Variants in NDEL1 observed in about 807,000 individuals in gnomAD.
NDEL1 encodes nudE neurodevelopment protein 1 like 1.
Under a neutral mutation model 45.7 loss-of-function variants are expected in NDEL1, and 9 were observed. The observed-to-expected ratio is 0.20, with a 90% CI of 0.12 to 0.34. The LOEUF (loss-of-function observed/expected upper bound fraction) is 0.34, where lower values mean the gene tolerates loss of function less well. Among genes scored for constraint, NDEL1 ranks in the 10% least tolerant of loss-of-function variants. The pLI, the probability that NDEL1 is intolerant of heterozygous loss-of-function variation, is 1.00. For synonymous variants in NDEL1, 133 were observed against 158.6 expected (o/e 0.84, Z 1.21); for missense variants, 306 against 406.2 (o/e 0.75, Z 2.12).
At chr17:8,423,315 G>A (rs904684293) in intron 1 of NDEL1, among the ~76,000 whole-genome samples, 1 of 152,096 alleles carries the variant, frequency 6.6e-6, no homozygotes, top group African/African-American at 2.4e-5. Flanking sequence ...CAGTTAGTAG[G>A]TGTTTAGAAG....
downstream of NDEL1, among the ~76,000 whole-genome samples, chr17:8,472,392 A>C (rs1182678178): frequency 6.6e-6 from 1 of 152,160 alleles, no homozygotes; most frequent in Non-Finnish European, 1.5e-5. Flanking sequence ...GGTGGCTCAC[A>C]CCTGTAATCC....
intron 1 of NDEL1, among the ~76,000 whole-genome samples, chr17:8,422,965 G>A (rs922512302): frequency 2.6e-5 from 4 of 151,926 alleles, no homozygotes; most frequent in Non-Finnish European, 5.9e-5. Flanking sequence ...TCCTGACCTC[G>A]TGATCCACCC....
chr17:8,459,303 C>T (rs540544198), intron 7 of NDEL1, among the ~76,000 whole-genome samples: 73 of 152,148 alleles, frequency 4.8e-4, no homozygotes, highest in African/African-American at 1.7e-3. Flanking sequence ...ACATGAGAAA[C>T]GCCTGATCTC....
intron 8 of NDEL1, chr17:8,463,286 T>C: frequency 6.4e-7 from 1 of 1,568,444 alleles, no homozygotes; most frequent in Non-Finnish European, 8.8e-7. Flanking sequence ...AGTATTCGTA[T>C]TACTGTTTAA....
chr17:8,413,597 G>T (rs1252137710), intron 1 of NDEL1, among the ~76,000 whole-genome samples: 3 of 152,156 alleles, frequency 2.0e-5, no homozygotes, highest in Non-Finnish European at 4.4e-5. Flanking sequence ...GAGTTCATAG[G>T]GTTCTGACAG....
At chr17:8,449,449 A>G (rs966857232) in intron 5 of NDEL1, among the ~76,000 whole-genome samples, 3 of 152,328 alleles carry the variant, frequency 2.0e-5, no homozygotes, top group African/African-American at 7.2e-5. Context: ...TTTAAAGTGT[A>G]CAGTCCAGTA....
chr17:8,418,951 T>C (rs1908638722), intron 1 of NDEL1, among the ~76,000 whole-genome samples: 1 of 151,876 alleles, frequency 6.6e-6, no homozygotes, highest in African/African-American at 2.4e-5. Context: ...TGGGCTCAAG[T>C]GATCCTCCCA....
intron 8 of NDEL1, chr17:8,463,148 C>T: frequency 1.9e-6 from 1 of 524,314 alleles, no homozygotes; most frequent in Admixed American, 3.9e-5. Flanking sequence ...CTCAAAAACA[C>T]TCTTTTTTTT....
At chr17:8,454,032 A>G (rs368949614) in intron 6 of NDEL1, among the ~76,000 whole-genome samples, 1 of 152,208 alleles carries the variant, frequency 6.6e-6, no homozygotes, top group South Asian at 2.1e-4. Flanking sequence ...AAATTTAGAT[A>G]TGTATCTTAT....
chr17:8,448,818 C>A, intron 5 of NDEL1, 132 bp downstream of exon 5: 1 of 938,836 alleles, frequency 1.1e-6, no homozygotes, highest in Non-Finnish European at 1.5e-6. Context: ...GCATTCAAAA[C>A]CCTGTATATG....
intron 1 of NDEL1, among the ~76,000 whole-genome samples, chr17:8,428,895 G>C (rs376362214): frequency 4.3e-4 from 66 of 151,742 alleles, no homozygotes; most frequent in South Asian, 4.0e-3. Flanking sequence ...AGATGGTCTC[G>C]ATCTCCTGAC....
chr17:8,457,709 C>A (rs994314511), intron 7 of NDEL1, among the ~76,000 whole-genome samples: 7 of 152,188 alleles, frequency 4.6e-5, no homozygotes, highest in African/African-American at 1.7e-4. Flanking sequence ...CTATTTGTAG[C>A]CATTCCTCCT....
rs530529939 is a variant in NDEL1 at position 8,423,185 on chromosome 17, C to T, written c.-13+9916C>T. Among the ~76,000 whole-genome samples, 39 of 152,180 alleles carry T rather than the reference C, an allele frequency of 2.6e-4. No homozygotes were observed. The South Asian group carries it at 5.4e-3, about 21-fold the overall frequency. On this transcript the variant is annotated intron_variant, in intron 1 of 4. Coordinates refer to the NDEL1 transcript ENST00000582812. ...TTGGGGTATTATTTTGTTCTTATTT[C>T]GAAAATGGTCACCAGACAAGTGACC... is the stretch of plus-strand genomic sequence containing the variant.
chr17:8,435,777 C>T, upstream of NDEL1: 1 of 368,580 alleles, frequency 2.7e-6, no homozygotes, highest in Non-Finnish European at 5.4e-6. Context: ...CTGGCCCGCC[C>T]CCTGTGACAC....
chr17:8,445,986 G>A (rs1910056510), intron 3 of NDEL1, 122 bp downstream of exon 3: 2 of 977,914 alleles, frequency 2.0e-6, no homozygotes, highest in Non-Finnish European at 1.4e-6. Context: ...CGCTTAAAGT[G>A]AATTTTTGAA....
rs1159548412 is a variant in NDEL1, at chr17:8,444,521, G to A, written c.86+164G>A. The A allele has an allele frequency of 5.3e-6, 3 of 568,792 alleles. No individual in the cohort carries two copies. In the African/African-American group the frequency reaches 5.7e-5, roughly 11 times the overall value. 35.2% of individuals were successfully genotyped at this position (568,792 alleles called of 1,614,324 possible). ...TCACCACATGGGTTGTATTTAAATAGTGTAAACATGCCATAAGTCTTTATA... is the reference window on the plus strand; with the variant it reads ...TCACCACATGGGTTGTATTTAAATAATGTAAACATGCCATAAGTCTTTATA... On this transcript the variant is annotated intron_variant, in intron 2 of 8. Coordinates refer to ENST00000334527, the MANE Select transcript of NDEL1 (RefSeq NM_030808.5).
At chr17:8,441,701 T>C (rs1909745807) in intron 1 of NDEL1, among the ~76,000 whole-genome samples, 1 of 152,170 alleles carries the variant, frequency 6.6e-6, no homozygotes, top group South Asian at 2.1e-4. Flanking sequence ...TGCTATCTGT[T>C]CTATGGGATT....
At chr17:8,435,740 G>T (rs866010670), upstream of NDEL1, 3 of 337,590 alleles carry the variant, frequency 8.9e-6, no homozygotes, top group African/African-American at 4.6e-5. Flanking sequence ...AGAGGACGCC[G>T]TCAGCTTGGC....
rs774166455 is a variant in NDEL1, at chr17:8,446,855, T to C, written c.342T>C (p.Tyr114=). ...TRAIKEQLHK[Y]VRELEQANDD... is the part of the protein sequence containing the mutation. ...CCATTAAGGAGCAGTTGCATAAGTA[T>C]GTGAGAGAGCTGGAGCAGGCCAACG... is the stretch of plus-strand genomic sequence containing the variant. The change falls in exon 4 of 9, where the codon TAT becomes TAC. Residue 114 remains tyrosine (Y), a synonymous_variant. Coordinates refer to ENST00000334527, the MANE Select transcript of NDEL1 (RefSeq NM_030808.5). The C allele has an allele frequency of 8.7e-6, 14 of 1,614,056 alleles. No individual in the cohort carries two copies. The highest frequency in any genetic ancestry group is 3.3e-5 in the South Asian group (3 of 91,076).
Sources: allele counts gnomAD v4.1 joint callset (sites outside exome capture counted in the v4.1 genomes callset), GRCh38; gene constraint gnomAD v4.1.1; transcripts MANE v1.5; gene names NCBI Gene and HGNC (gene_info 2026-07-23, HGNC 2026-07-21).